SETD4: variants seen among roughly 807,000 people sequenced by gnomAD.
The protein encoded by SETD4 is SET domain containing 4, also known as SET domain-containing protein 4.
SETD4 carries 46 observed loss-of-function variants against 58.3 expected under a neutral mutation model. The observed-to-expected ratio is 0.79, with a 90% CI of 0.62 to 1.01. The LOEUF is 1.01. Ranked by LOEUF, SETD4 falls within the 50% of genes least tolerant of loss-of-function variation. SETD4 has a pLI of 0.00. For synonymous variants in SETD4, 190 were observed against 202.6 expected (o/e 0.94, Z 0.53); for missense variants, 490 against 523.3 (o/e 0.94, Z 0.62).
chr21:36,054,972 G>A (rs1298006887), intron 3 of SETD4, among the ~76,000 whole-genome samples: 1 of 152,242 alleles, frequency 6.6e-6, no homozygotes, highest in Non-Finnish European at 1.5e-5. Flanking sequence ...CAGTTTCCCA[G>A]CAAGTTGGAT....
At chr21:36,044,108 T>C in intron 6 of SETD4, 152 bp from the exon 7 acceptor site, 3 of 996,688 alleles carry the variant, frequency 3.0e-6, no homozygotes, top group Non-Finnish European at 1.4e-6. Flanking sequence ...CCACTTCCGG[T>C]TTCATCCACC....
At chr21:36,044,991 C>G (rs146880419) in intron 6 of SETD4, among the ~76,000 whole-genome samples, 42 of 152,336 alleles carry the variant, frequency 2.8e-4, no homozygotes, top group South Asian at 2.5e-3. Flanking sequence ...GACCACCTCC[C>G]AAATCAGGTT....
At chr21:36,048,447 C>A in intron 4 of SETD4, 51 bp from the exon 5 acceptor site, 1 of 1,523,250 alleles carries the variant, frequency 6.6e-7, no homozygotes, top group South Asian at 1.1e-5. Context: ...GGGAAGGACC[C>A]ATGAGTATGA....
chr21:36,036,795 C>G (rs766359669), intron 10 of SETD4: 4 of 199,378 alleles, frequency 2.0e-5, no homozygotes, highest in Non-Finnish European at 3.6e-5. Flanking sequence ...TATTCATCAA[C>G]AGATGAATAA....
In SETD4 at chr21:36,034,955, T is replaced by C. The variant is rs748955311; in HGVS notation, c.*1038A>G. On this transcript the variant is annotated 3_prime_UTR_variant, in exon 12 of 12. Coordinates refer to ENST00000332131, the MANE Select transcript of SETD4 (RefSeq NM_017438.5). ...ACAGGGAAAGATGTTCAAGAAATCA[T>C]GAGAAAGTTTTATTTTAAACTCTGC... The C allele has an allele frequency of 6.6e-6, 1 of 152,168 alleles. No individual in the cohort carries two copies. The highest frequency in any genetic ancestry group is 1.5e-5 in the Non-Finnish European group (1 of 68,034). The allele number at this position is 152,168 out of a possible 1,614,324, so 9.4% of individuals were successfully genotyped here.
intron 3 of SETD4, among the ~76,000 whole-genome samples, chr21:36,056,014 T>C (rs1021416096): frequency 9.9e-5 from 15 of 152,138 alleles, no homozygotes; most frequent in African/African-American, 3.4e-4. Flanking sequence ...CTGACCATCT[T>C]TGACACACAA....
chr21:36,041,211 G>C (rs895792151), intron 8 of SETD4, among the ~76,000 whole-genome samples: 11 of 149,066 alleles, frequency 7.4e-5, no homozygotes, highest in African/African-American at 1.2e-4. Context: ...ATGGATGAGG[G>C]GCCGGAGGCA....
chr21:36,059,654 C>G (rs2065187723), intron 1 of SETD4: 1 of 854,166 alleles, frequency 1.2e-6, no homozygotes, highest in African/African-American at 1.8e-5. Flanking sequence ...CGCCACTGCA[C>G]TCCAACCTGG....
chr21:36,053,758 A>C, intron 3 of SETD4, 138 bp from the exon 4 acceptor site: 1 of 802,354 alleles, frequency 1.2e-6, no homozygotes, highest in Non-Finnish European at 2.0e-6. Context: ...TTTGATTCCC[A>C]GGGGAAACAG....
chr21:36,057,070 G>C (rs759697845), intron 3 of SETD4, 39 bp downstream of exon 3: 13 of 1,540,352 alleles, frequency 8.4e-6, no homozygotes, highest in Non-Finnish European at 1.2e-5. Flanking sequence ...CCTGGCTCTC[G>C]TGTGGGAAAG....
chr21:36,050,726 G>C, intron 4 of SETD4: 1 of 1,612,532 alleles, frequency 6.2e-7, no homozygotes, highest in Non-Finnish European at 8.5e-7. Context: ...CTGTTTTCTT[G>C]GCTCGAGATA....
In SETD4 at chr21:36,058,922, G is replaced by A; in HGVS notation, c.-34C>T. The A allele has an allele frequency of 6.5e-7, 1 of 1,549,646 alleles. No homozygotes were observed. ...TGTAGTTTCTTTTTTCTGAAATACA[G>A]TTCTATTTTTTCAAAAAGGACAAAA... On this transcript the variant is annotated splice_region_variant and 5_prime_UTR_variant, in exon 2 of 12. Transcript: ENST00000332131.
intron 3 of SETD4, among the ~76,000 whole-genome samples, chr21:36,055,219 C>A (rs911429873): frequency 6.6e-6 from 1 of 152,198 alleles, no homozygotes; most frequent in African/African-American, 2.4e-5. Context: ...TATATATGAA[C>A]AAAAGCTGGC....
At chr21:36,055,268 T>C (rs1431209631) in intron 3 of SETD4, among the ~76,000 whole-genome samples, 1 of 152,250 alleles carries the variant, frequency 6.6e-6, no homozygotes, top group Non-Finnish European at 1.5e-5. Flanking sequence ...CCTATATTTA[T>C]ATGGTAGATA....
rs767798350 is a variant in SETD4 at position 36,045,968 on chromosome 21, A to C, written c.340T>G (p.Leu114Val). 1.2e-6 allele frequency: 2 copies of C among 1,614,140 alleles called. No homozygotes were observed. Among genetic ancestry groups the C allele is most frequent in the African/African-American group, 2.7e-5 (2 of 75,048 alleles). Residue 114 changes from leucine (L) to valine (V), a missense_variant, in exon 6 of 12, where the codon TTA becomes GTA. Transcript: ENST00000332131. ...PSPLLALCTFLVSEKHAGHRS... is the reference protein window; with the variant it reads ...PSPLLALCTFVVSEKHAGHRS... ...TGCCCAGCATGCTTTTCTGAAACTA[A>C]AAAGGTGCACAGCGCCAGCAGAGGA...
intron 5 of SETD4, among the ~76,000 whole-genome samples, chr21:36,046,839 AGAAT>A (rs2064354771): frequency 6.6e-6 from 1 of 152,250 alleles, no homozygotes; most frequent in South Asian, 2.1e-4. Context: ...TCAAAATTTC[AGAAT>A]GATTCAGAAA....
chr21:36,051,217 G>A, intron 4 of SETD4: 1 of 1,606,466 alleles, frequency 6.2e-7, no homozygotes, highest in Non-Finnish European at 8.5e-7. Flanking sequence ...CTGGAGCTGG[G>A]TCCCCCAGCC....
At chr21:36,045,265 C>T (rs1182547077) in intron 6 of SETD4, among the ~76,000 whole-genome samples, 7 of 152,134 alleles carry the variant, frequency 4.6e-5, no homozygotes, top group African/African-American at 1.7e-4. Context: ...GCTTCAGTCC[C>T]GGAAGGAGGA....
At chr21:36,036,544 A>G (rs2063790200) in intron 10 of SETD4, 1 of 692,822 alleles carries the variant, frequency 1.4e-6, no homozygotes, top group South Asian at 6.5e-5. Flanking sequence ...ACAGAAGTGG[A>G]TCATACAGCA....
Sources: allele counts gnomAD v4.1 joint callset (sites outside exome capture counted in the v4.1 genomes callset), GRCh38; gene constraint gnomAD v4.1.1; transcripts MANE v1.5; gene names NCBI Gene and HGNC (gene_info 2026-07-23, HGNC 2026-07-21).